MYBL1: variants seen among roughly 807,000 people sequenced by gnomAD.
MYBL1 encodes myb-related protein A.
Under a neutral mutation model 96.3 loss-of-function variants are expected in MYBL1, and 17 were observed. The observed-to-expected ratio is 0.18, with a 90% CI of 0.12 to 0.26. The LOEUF is 0.26. Ranked by LOEUF, MYBL1 falls within the 10% of genes least tolerant of loss-of-function variation. The pLI is 1.00. For synonymous variants in MYBL1, 282 were observed against 292.7 expected, an observed-to-expected ratio of 0.96 and a Z score of 0.37; for missense variants, 701 against 882.9, an observed-to-expected ratio of 0.79 and a Z score of 2.61.
chr8:66,603,261 GA>G lies in MYBL1; in HGVS notation c.21-739del, dbSNP rs911901744. Among the ~76,000 whole-genome samples the G allele has an allele frequency of 4.3e-4, 66 of 152,102 alleles. No homozygotes were observed. The Middle Eastern group carries it at 0.01, about 24-fold the overall frequency. The stretch of plus-strand genomic sequence containing the variant: ...ACAAGAGTGTGGTGAAACTGAAAAA[GA>G]AAAACCAATTAGTAATCTTCACAAC... On this transcript the variant is annotated intron_variant, in intron 1 of 15. Transcript: ENST00000522677.
In MYBL1 at chr8:66,599,022, G is replaced by C. The variant is rs528143792; in HGVS notation, c.291+28C>G. 2.8e-6 allele frequency: 4 copies of C among 1,415,770 alleles called. No homozygotes were observed. The African/African-American group carries it at 4.4e-5, about 16-fold the overall frequency. The allele number at this position is 1,415,770 out of a possible 1,614,324, so 87.7% of individuals were successfully genotyped here. On this transcript the variant is annotated intron_variant, in intron 4 of 15. Transcript: ENST00000522677. ...AGAAAAAAGCTAGTCTACCTACATA[G>C]TGAATATAAAGAATATGAACACATT...
At chr8:66,579,449 G>A (rs1809111595) in intron 9 of MYBL1, among the ~76,000 whole-genome samples, 3 of 151,912 alleles carry the variant, frequency 2.0e-5, no homozygotes, top group African/African-American at 7.3e-5. Context: ...TTGAGGTCAG[G>A]AGTTCAAGAC....
chr8:66,577,692 TA>T (rs1207982704), intron 9 of MYBL1, among the ~76,000 whole-genome samples: 2 of 152,118 alleles, frequency 1.3e-5, no homozygotes, highest in African/African-American at 4.8e-5. Flanking sequence ...CCCATCAAGC[TA>T]CCAATGACTT....
chr8:66,570,869 C>T (rs58454063), intron 12 of MYBL1, among the ~76,000 whole-genome samples: 20,329 of 151,780 alleles, frequency 0.13, 3,236 homozygotes, highest in African/African-American at 0.38. Flanking sequence ...TTAATGTATA[C>T]GCATAAATAA....
intron 10 of MYBL1, among the ~76,000 whole-genome samples, chr8:66,574,329 C>T (rs965043122): frequency 6.6e-6 from 1 of 152,224 alleles, no homozygotes; most frequent in South Asian, 2.1e-4. Context: ...AGAATTCACA[C>T]TTCAACAAAA....
At chr8:66,585,975 A>G (rs1809402131) in intron 8 of MYBL1, among the ~76,000 whole-genome samples, 1 of 151,918 alleles carries the variant, frequency 6.6e-6, no homozygotes, top group Non-Finnish European at 1.5e-5. Flanking sequence ...ATTAATATCT[A>G]GACTAGACAA....
intron 1 of MYBL1, among the ~76,000 whole-genome samples, chr8:66,608,481 A>G (rs1260121571): frequency 2.6e-5 from 4 of 152,168 alleles, no homozygotes; most frequent in Non-Finnish European, 4.4e-5. Flanking sequence ...ACTTTCCAAT[A>G]CATGAGACCA....
At position 66,580,180 on chromosome 8, in the gene MYBL1, A is replaced by G. The variant is rs759074581; in HGVS notation, c.1054T>C (p.Leu352=). 6.2e-7 allele frequency: 1 copy of G among 1,613,966 alleles called. No homozygotes were observed. The highest frequency in any genetic ancestry group is 8.5e-7 in the Non-Finnish European group (1 of 1,179,866). ...AVEANAVLSS[L]QTIPEFAETL... ...TCTGCAAATTCTGGGATGGTCTGCA[A>G]AGAGGATAACACAGCGTTTGCCTCC... Residue 352 remains leucine, a synonymous_variant, in exon 9 of 16, where the codon TTG becomes CTG. Coordinates refer to ENST00000522677, the MANE Select transcript of MYBL1 (RefSeq NM_001080416.4).
At chr8:66,607,893 G>A (rs912860383) in intron 1 of MYBL1, among the ~76,000 whole-genome samples, 1 of 152,090 alleles carries the variant, frequency 6.6e-6, no homozygotes, top group Non-Finnish European at 1.5e-5. Context: ...GCTTTTCACA[G>A]GGTCTCTTTC....
chr8:66,565,951 G>C lies in MYBL1; in HGVS notation c.2130+113C>G, dbSNP rs562729800. The C allele has an allele frequency of 2.2e-4, 173 of 778,478 alleles. No homozygotes were observed. The Middle Eastern group carries it at 4.4e-3, about 20-fold the overall frequency. The allele number at this position is 778,478 out of a possible 1,614,324, so 48.2% of individuals were successfully genotyped here. A position where few individuals can be genotyped will look rare whatever the true frequency, so the allele number is the denominator to read the frequency against. On this transcript the variant is annotated intron_variant, in intron 15 of 15. Transcript: ENST00000522677. ...AAATAATGGTAAATGTTTAGTTACTGTTACAATCAATTTTGAATTTAAAAG... is the reference window on the plus strand; with the variant it reads ...AAATAATGGTAAATGTTTAGTTACTCTTACAATCAATTTTGAATTTAAAAG...
intron 8 of MYBL1, among the ~76,000 whole-genome samples, chr8:66,586,203 G>A (rs192345728): frequency 2.1e-4 from 32 of 151,690 alleles, no homozygotes; most frequent in Non-Finnish European, 8.8e-5. Flanking sequence ...TCACCACCAC[G>A]CCTGGCTAAG....
intron 1 of MYBL1, among the ~76,000 whole-genome samples, chr8:66,605,143 A>G (rs1159713047): frequency 6.6e-6 from 1 of 152,212 alleles, no homozygotes; most frequent in Admixed American, 6.5e-5. Context: ...ATCAACATAA[A>G]AAAGTATAAA....
In MYBL1 at chr8:66,597,413, T is replaced by G. The variant is rs1193849690; in HGVS notation, c.429A>C (p.Thr143=). Residue 143 remains threonine, a synonymous_variant, in exon 5 of 16, where the codon ACA becomes ACC. Coordinates refer to ENST00000522677, the MANE Select transcript of MYBL1 (RefSeq NM_001080416.4). ...CATAGATGATCCTGTCCTCCTCTTC[T>G]GTCCAGGAAGATTTCTTTACCTCAG... ...LNPEVKKSSW[T]EEEDRIIYEA... 1.2e-6 allele frequency: 2 copies of G among 1,613,032 alleles called. No individual in the cohort carries two copies. Among genetic ancestry groups the G allele is most frequent in the Non-Finnish European group, 1.7e-6 (2 of 1,179,454 alleles).
rs1378477136 is a variant in MYBL1 at position 66,564,711 on chromosome 8, C to T, written c.2245G>A (p.Ala749Thr). ...TYTATSSTSR[A>T]LIL ...TTTAATAACAATTACAGTATGAGAGCTCTTGAAGTACTACTGGTAGCTGTG... is the reference window on the plus strand; with the variant it reads ...TTTAATAACAATTACAGTATGAGAGTTCTTGAAGTACTACTGGTAGCTGTG... The change falls in exon 16 of 16, where the codon GCT becomes ACT. Residue 749 changes from alanine to threonine, a missense_variant. Ala to Thr is a moderately conservative substitution (Grantham distance 58). Around this residue, in one of 5 missense-constraint regions of MYBL1, gnomAD observed 137 missense variants for 137.5 expected, o/e 1.00. Coordinates refer to ENST00000522677, the MANE Select transcript of MYBL1 (RefSeq NM_001080416.4). The T allele has an allele frequency of 1.3e-6, 2 of 1,577,934 alleles. No individual in the cohort carries two copies. Among genetic ancestry groups the T allele is most frequent in the African/African-American group, 1.4e-5 (1 of 73,978 alleles).
At chr8:66,572,914 G>T (rs1808791280) in intron 11 of MYBL1, among the ~76,000 whole-genome samples, 1 of 151,870 alleles carries the variant, frequency 6.6e-6, no homozygotes, top group Non-Finnish European at 1.5e-5. Context: ...ATAAGGTTAT[G>T]ATTTAAAAAA....
intron 8 of MYBL1, among the ~76,000 whole-genome samples, chr8:66,591,960 G>T (rs1293368132): frequency 6.6e-6 from 1 of 151,968 alleles, no homozygotes; most frequent in East Asian, 1.9e-4. Context: ...TCAAAGAAAT[G>T]CATATCAAAA....
intron 15 of MYBL1, chr8:66,565,400 T>C (rs1287657738): frequency 1.3e-5 from 2 of 152,406 alleles, no homozygotes; most frequent in East Asian, 1.9e-4. Flanking sequence ...ATGTGCTACA[T>C]GGCTCTTAGA....
chr8:66,580,234 G>C lies in MYBL1; in HGVS notation c.1000C>G (p.Gln334Glu). The change falls in exon 9 of 16, where the codon CAG becomes GAG. Residue 334 changes from glutamine (Q) to glutamate (E), a missense_variant. Around this residue, in one of 5 missense-constraint regions of MYBL1, gnomAD observed 396 missense variants for 407.4 expected, o/e 0.97. Transcript: ENST00000522677. The stretch of plus-strand genomic sequence containing the variant: ...GCCAGGAACTTTGTGGGTGAATTCT[G>C]CTGAGCAGACACAGGCTGATTTTCA... ...MDENQPVSAQ[Q>E]NSPTKFLAVE... 2 of 1,613,890 alleles carry C rather than the reference G, an allele frequency of 1.2e-6. No homozygotes were observed. The highest frequency in any genetic ancestry group is 8.5e-7 in the Non-Finnish European group (1 of 1,179,844).
intron 3 of MYBL1, among the ~76,000 whole-genome samples, chr8:66,601,177 CAAAAAAAAAAAAAAAA>C (rs1167336780): frequency 7.2e-5 from 1 of 13,900 alleles, no homozygotes; most frequent in Non-Finnish European, 1.9e-4. Flanking sequence ...AACTCCGTCT[CAAAAAAAAAAAAAAAA>C]AAAAAAAAAA....
Sources: gnomAD v4.1 joint callset for allele counts (sites outside exome capture counted in the v4.1 genomes callset) on GRCh38, gnomAD v4.1.1 for gene constraint, gnomAD v4.1.1 regional missense constraint, MANE v1.5 for transcripts, NCBI Gene and HGNC (gene_info 2026-07-23, HGNC 2026-07-21) for gene names.